Variants in PRDX4 observed in about 807,000 individuals in gnomAD.
PRDX4 encodes the protein peroxiredoxin 4.
PRDX4 carries 12 observed loss-of-function variants against 20.5 expected under a neutral mutation model. The observed-to-expected ratio is 0.58, with a 90% CI of 0.37 to 0.95. PRDX4 has a LOEUF of 0.95. Ranked by LOEUF, PRDX4 falls within the 40% of genes least tolerant of loss-of-function variation. The pLI, the probability that PRDX4 is intolerant of heterozygous loss-of-function variation, is 0.01. For missense variants in PRDX4, 180 were observed against 207.3 expected (o/e 0.87, Z 0.81); for synonymous variants, 99 against 87.5 (o/e 1.13, Z -0.73).
intron 2 of PRDX4, among the ~76,000 whole-genome samples, chrX:23,673,807 AT>A (rs1927893397): frequency 9.1e-6 from 1 of 110,096 alleles, no homozygotes; most frequent in South Asian, 3.9e-4. Context: ...CCTTTAGAAA[AT>A]ATTAAAAATA....
At chrX:23,675,256 C>A in intron 3 of PRDX4, 150 bp downstream of exon 3, 1 of 1,038,354 alleles carries the variant, frequency 9.6e-7, no homozygotes, top group South Asian at 2.7e-5. Context: ...TGTAACTACA[C>A]ATTTTCCAGG....
At chrX:23,682,306 T>A in intron 4 of PRDX4, 90 bp from the exon 5 acceptor site, 1 of 739,980 alleles carries the variant, frequency 1.4e-6, no homozygotes, top group Non-Finnish European at 1.9e-6. Context: ...GTTTGTTCTG[T>A]ATAGCATCCT....
At chrX:23,673,582 G>A (rs503572) in intron 2 of PRDX4, among the ~76,000 whole-genome samples, 42,962 of 109,970 alleles carry the variant, frequency 0.39, 6,206 homozygotes, top group Middle Eastern at 0.52. Context: ...GTGAAACCCC[G>A]TCTCTACTGA....
chrX:23,675,616 C>T (rs960965424), intron 3 of PRDX4, among the ~76,000 whole-genome samples: 2 of 111,953 alleles, frequency 1.8e-5, no homozygotes, highest in East Asian at 2.8e-4. Context: ...ATTAAAATGA[C>T]GAGATGCCAA....
chrX:23,672,153 C>T (rs1012742024), intron 2 of PRDX4, among the ~76,000 whole-genome samples: 3 of 111,255 alleles, frequency 2.7e-5, no homozygotes, highest in Admixed American at 9.6e-5. Context: ...CCCAGCTACT[C>T]GGGAGGCTGA....
chrX:23,681,903 T>C (rs1928076493), intron 4 of PRDX4, among the ~76,000 whole-genome samples: 1 of 111,023 alleles, frequency 9.0e-6, no homozygotes. Context: ...TAGCTGGGCG[T>C]GGTGGCACAC....
At chrX:23,681,308 T>A (rs1928064079) in intron 4 of PRDX4, among the ~76,000 whole-genome samples, 1 of 112,323 alleles carries the variant, frequency 8.9e-6, no homozygotes. Flanking sequence ...TCACCACAAT[T>A]TTAGAATGTT....
rs72444639 is a variant in PRDX4, at chrX:23,669,917, C to CA, written c.242-1599dup. Among the ~76,000 whole-genome samples the CA allele has an allele frequency of 6.0e-3, 536 of 89,025 alleles. 10 individuals carry two copies. In the East Asian group the frequency reaches 0.077, roughly 13 times the overall value. The allele number at this position is 89,025 out of a possible 115,157, so 77.3% of individuals were successfully genotyped here. On this transcript the variant is annotated intron_variant, in intron 1 of 6. Coordinates refer to ENST00000379341, the MANE Select transcript of PRDX4 (RefSeq NM_006406.2). ...GGGCGACAGACTGAGACTCTTGTCT[C>CA]AAAAAAAAAAAAAGTAAATAACTAA...
chrX:23,667,851 G>A (rs1185909096), intron 1 of PRDX4, 40 bp downstream of exon 1: 4 of 1,201,348 alleles, frequency 3.3e-6, no homozygotes, highest in Non-Finnish European at 4.5e-6. Flanking sequence ...GGGAGATTCC[G>A]GAGACACGTG....
At chrX:23,668,227 GA>G (rs1187334836) in intron 1 of PRDX4, among the ~76,000 whole-genome samples, 3 of 112,716 alleles carry the variant, frequency 2.7e-5, no homozygotes, top group African/African-American at 9.6e-5. Context: ...TGATTAAACA[GA>G]AAAGTTGCTA....
At chrX:23,674,969 T>A in intron 2 of PRDX4, 21 bp from the exon 3 acceptor site, 3 of 748,380 alleles carry the variant, frequency 4.0e-6, no homozygotes, top group African/African-American at 4.4e-5. Flanking sequence ...TACTGAATAT[T>A]TTTTTTTTTT....
In PRDX4 at chrX:23,686,354, A is replaced by G. The variant is rs1438939613; in HGVS notation, c.*19A>G. 4 of 1,136,097 alleles carry G rather than the reference A, an allele frequency of 3.5e-6. No homozygotes were observed. The African/African-American group carries it at 7.2e-5, about 21-fold the overall frequency. 93.6% of individuals were successfully genotyped at this position (1,136,097 alleles called of 1,213,427 possible). ...GAATTGAGAAATACTTCTTCAAGTT[A>G]TGATGCTTGAAAGTTCTCAATAAAG... On this transcript the variant is annotated 3_prime_UTR_variant, in exon 7 of 7. Transcript: ENST00000379341.
Position 23,675,222 on chromosome X carries a change from A to G in PRDX4, c.476+116A>G, listed in dbSNP as rs377196784. 3.4e-5 allele frequency: 40 copies of G among 1,162,430 alleles called. No individual in the cohort carries two copies. The African/African-American group carries it at 6.4e-4, about 19-fold the overall frequency. ...TAGTCATTTATCAGACAATTCAGGAATAGCTTTATCTAAGAGTAATACATG... is the reference window on the plus strand; with the variant it reads ...TAGTCATTTATCAGACAATTCAGGAGTAGCTTTATCTAAGAGTAATACATG... On this transcript the variant is annotated intron_variant, in intron 3 of 6. Coordinates refer to ENST00000379341, the MANE Select transcript of PRDX4 (RefSeq NM_006406.2).
intron 1 of PRDX4, among the ~76,000 whole-genome samples, 199 bp downstream of exon 1, chrX:23,668,010 C>A (rs886324720): frequency 8.9e-6 from 1 of 111,819 alleles, no homozygotes; most frequent in Non-Finnish European, 1.9e-5. Context: ...TTCCACTGAT[C>A]AGATTTTAGA....
chrX:23,673,755 CAA>C (rs763938356), intron 2 of PRDX4, among the ~76,000 whole-genome samples: 6 of 33,147 alleles, frequency 1.8e-4, no homozygotes, highest in Non-Finnish European at 5.6e-5. Flanking sequence ...GACCCTGCCA[CAA>C]AAAAAAAAAA....
At chrX:23,682,573 ATAAT>A (rs749339279) in intron 5 of PRDX4, 47 bp downstream of exon 5, 60 of 999,964 alleles carry the variant, frequency 6.0e-5, no homozygotes, top group African/African-American at 3.6e-4. Flanking sequence ...GAAAGATAGC[ATAAT>A]TAGTTAGGTT....
At position 23,680,774 on chromosome X, in the gene PRDX4, G is replaced by A. The variant is rs192866697; in HGVS notation, c.599+1487G>A. On this transcript the variant is annotated intron_variant, in intron 4 of 6. Coordinates refer to ENST00000379341, the MANE Select transcript of PRDX4 (RefSeq NM_006406.2). ...TTTTTTGTTAAATTAGGCCATTGTG[G>A]TGGCACATTCCTGTAGTCCCAGCCT... 3.1e-3 allele frequency among the ~76,000 whole-genome samples: 343 copies of A among 109,829 alleles called. 2 individuals carry two copies. Among genetic ancestry groups the A allele is most frequent in the African/African-American group, 0.011 (328 of 30,169 alleles).
intron 6 of PRDX4, among the ~76,000 whole-genome samples, chrX:23,685,824 T>G (rs1221777910): frequency 9.1e-6 from 1 of 109,474 alleles, no homozygotes; most frequent in African/African-American, 3.3e-5. Context: ...TTTTTTTGTT[T>G]TTTTTTTTTT....
intron 5 of PRDX4, among the ~76,000 whole-genome samples, chrX:23,682,853 A>AAAAATATATATAT (rs1555933130): frequency 2.7e-4 from 4 of 14,874 alleles, no homozygotes; most frequent in African/African-American, 8.7e-4. Context: ...AAAAAAAAAA[A>AAAAATATATATAT]ATATATATAT....
Sources: allele counts gnomAD v4.1 joint callset (sites outside exome capture counted in the v4.1 genomes callset), GRCh38; gene constraint gnomAD v4.1.1; transcripts MANE v1.5; gene names NCBI Gene and HGNC (gene_info 2026-07-23, HGNC 2026-07-21).